The following OSMR variants were observed in gnomAD, a reference collection of about 807,000 sequenced individuals.
OSMR encodes the protein oncostatin M receptor, also known as oncostatin-M-specific receptor subunit beta.
Under a neutral mutation model 99.9 loss-of-function variants are expected in OSMR, and 81 were observed. That is an observed-to-expected ratio of 0.81 (90% confidence interval 0.68 to 0.97). The LOEUF is 0.97. OSMR is among the 50% of genes least tolerant of loss of function. The pLI is 0.00. For synonymous variants in OSMR, 406 were observed against 410.4 expected (o/e 0.99, Z 0.13); for missense variants, 1,099 against 1,153.4 (o/e 0.95, Z 0.68).
chr5:38,856,632 A>G (rs1740874478), intron 1 of OSMR, among the ~76,000 whole-genome samples: 1 of 152,156 alleles, frequency 6.6e-6, no homozygotes, highest in Non-Finnish European at 1.5e-5. Context: ...AATTCCAGAT[A>G]AGACCATCTT....
chr5:38,881,667 T>C lies in OSMR; in HGVS notation c.321T>C (p.Cys107=). ...GGGAATCTGAGCTCCCTTTGGAATGTGCCACACACTTTGTAAGAATAAAGA... is the reference window on the plus strand; with the variant it reads ...GGGAATCTGAGCTCCCTTTGGAATGCGCCACACACTTTGTAAGAATAAAGA... ...WSWESELPLE[C]ATHFVRIKSL... Residue 107 remains cysteine, a synonymous_variant, in exon 4 of 18, where the codon TGT becomes TGC. Transcript: ENST00000274276. The C allele has an allele frequency of 6.2e-7, 1 of 1,614,228 alleles. No homozygotes were observed. The highest frequency in any genetic ancestry group is 1.1e-5 in the South Asian group (1 of 91,082).
chr5:38,890,546 G>A (rs760833389), intron 7 of OSMR, among the ~76,000 whole-genome samples: 6 of 151,358 alleles, frequency 4.0e-5, no homozygotes, highest in Admixed American at 4.0e-4. Context: ...TGACTCTTAG[G>A]TGTACAAGGC....
chr5:38,909,360 T>C (rs926715457), intron 9 of OSMR, among the ~76,000 whole-genome samples: 3 of 152,122 alleles, frequency 2.0e-5, no homozygotes, highest in African/African-American at 7.2e-5. Flanking sequence ...ATTCAGGAAA[T>C]GCAGAGAACT....
chr5:38,890,782 G>A (rs1452017262), intron 7 of OSMR, among the ~76,000 whole-genome samples: 1 of 152,056 alleles, frequency 6.6e-6, no homozygotes, highest in African/African-American at 2.4e-5. Flanking sequence ...CTATATACCA[G>A]CATTTAAAAA....
At chr5:38,902,404 G>A (rs760694427) in intron 7 of OSMR, among the ~76,000 whole-genome samples, 1 of 152,184 alleles carries the variant, frequency 6.6e-6, no homozygotes, top group Non-Finnish European at 1.5e-5. Context: ...GGCCCAACGG[G>A]CCCTGCCCAC....
At position 38,923,278 on chromosome 5, in the gene OSMR, C is replaced by A. The variant is rs773268575; in HGVS notation, c.1870+24C>A. On this transcript the variant is annotated intron_variant, in intron 13 of 17. Coordinates refer to ENST00000274276, the MANE Select transcript of OSMR (RefSeq NM_003999.3). ...TGGTAAGTTTAAAGCATGTAATGTG[C>A]CCCATGTGCAGACTTGTTCAGAACA... is the stretch of plus-strand genomic sequence containing the variant. 5 of 1,362,870 alleles carry A rather than the reference C, an allele frequency of 3.7e-6. No individual in the cohort carries two copies. The Admixed American group carries it at 6.7e-5, about 18-fold the overall frequency. 84.4% of individuals were successfully genotyped at this position (1,362,870 alleles called of 1,614,324 possible).
intron 1 of OSMR, among the ~76,000 whole-genome samples, chr5:38,866,666 C>T (rs1482018852): frequency 1.3e-5 from 2 of 150,408 alleles, no homozygotes; most frequent in African/African-American, 4.9e-5. Context: ...GGCCCCAGCA[C>T]AGGATGTAGT....
In OSMR at chr5:38,933,110, G is replaced by A. The variant is rs752969556; in HGVS notation, c.2606G>A (p.Gly869Asp). Reference sequence around the variant, plus strand: ...TATAACCAGGCAGCTTCTGACTCTGGCTCTTGTGGCCATGTTCCAGTATCC... The same window carrying A: ...TATAACCAGGCAGCTTCTGACTCTGACTCTTGTGGCCATGTTCCAGTATCC... ...LTYNQAASDS[G>D]SCGHVPVSPK... is the part of the protein sequence containing the mutation. Residue 869 changes from glycine (G) to aspartate (D), a missense_variant, in exon 18 of 18, where the codon GGC (glycine) becomes GAC (aspartate). Gly to Asp is a moderately conservative substitution (Grantham distance 94). Coordinates refer to ENST00000274276, the MANE Select transcript of OSMR (RefSeq NM_003999.3). The A allele has an allele frequency of 6.2e-7, 1 of 1,614,152 alleles. No homozygotes were observed. Among genetic ancestry groups the A allele is most frequent in the Non-Finnish European group, 8.5e-7 (1 of 1,180,022 alleles).
intron 10 of OSMR, among the ~76,000 whole-genome samples, chr5:38,917,953 T>A (rs1392943959): frequency 6.6e-6 from 1 of 152,208 alleles, no homozygotes; most frequent in African/African-American, 2.4e-5. Flanking sequence ...GTCATACTAT[T>A]TATATTTAAA....
At chr5:38,893,580 T>C (rs572566899) in intron 7 of OSMR, among the ~76,000 whole-genome samples, 2 of 152,304 alleles carry the variant, frequency 1.3e-5, no homozygotes, top group East Asian at 3.9e-4. Context: ...GAAGAAAGAA[T>C]TTCAGAGCTT....
chr5:38,882,430 C>A (rs977187108), intron 4 of OSMR, among the ~76,000 whole-genome samples: 1 of 152,140 alleles, frequency 6.6e-6, no homozygotes, highest in African/African-American at 2.4e-5. Context: ...TAAAAATTAG[C>A]TGGGCATGGT....
chr5:38,855,479 C>T (rs1453523103), intron 1 of OSMR, among the ~76,000 whole-genome samples: 1 of 152,174 alleles, frequency 6.6e-6, no homozygotes, highest in Non-Finnish European at 1.5e-5. Context: ...TACTCCCACA[C>T]TCCTCTGCTC....
At chr5:38,906,369 G>A (rs1020340380) in intron 9 of OSMR, among the ~76,000 whole-genome samples, 2 of 152,056 alleles carry the variant, frequency 1.3e-5, no homozygotes, top group Non-Finnish European at 2.9e-5. Flanking sequence ...TTCTGATCAC[G>A]CTTTGCTTAA....
intron 10 of OSMR, 189 bp from the exon 11 acceptor site, chr5:38,918,651 C>T: frequency 1.1e-5 from 8 of 736,902 alleles, no homozygotes; most frequent in Non-Finnish European, 1.3e-5. Flanking sequence ...CTTCTCTACT[C>T]ACCTTCAGTT....
chr5:38,942,110 A>ACT, intron 1 of OSMR: 1 of 409,882 alleles, frequency 2.4e-6, no homozygotes, highest in Non-Finnish European at 4.5e-6. Context: ...AAAAGGCTCA[A>ACT]CAAAGGAGAG....
intron 7 of OSMR, among the ~76,000 whole-genome samples, chr5:38,894,148 A>G (rs1744335461): frequency 6.6e-6 from 1 of 152,228 alleles, no homozygotes; most frequent in Admixed American, 6.5e-5. Context: ...TGTTACCATT[A>G]GACCAACCTT....
At chr5:38,931,742 C>G in intron 15 of OSMR, 141 bp from the exon 16 acceptor site, 1 of 1,440,648 alleles carries the variant, frequency 6.9e-7, no homozygotes. Flanking sequence ...TGAAGTCAGG[C>G]AGAATTCATA....
At chr5:38,940,145 A>C (rs1335812128), downstream of OSMR, 49 of 115,784 alleles carry the variant, frequency 4.2e-4, no homozygotes, top group African/African-American at 1.1e-3. Context: ...AAAAAAAACA[A>C]AAAAAAAAAC....
At chr5:38,924,654 T>C in intron 14 of OSMR, 59 bp downstream of exon 14, 1 of 1,341,068 alleles carries the variant, frequency 7.5e-7, no homozygotes, top group South Asian at 1.2e-5. Flanking sequence ...TTTGAAATCA[T>C]TTAAAATAAT....
Sources: gnomAD v4.1 joint callset for allele counts (sites outside exome capture counted in the v4.1 genomes callset) on GRCh38, gnomAD v4.1.1 for gene constraint, MANE v1.5 for transcripts, NCBI Gene and HGNC (gene_info 2026-07-23, HGNC 2026-07-21) for gene names.